R3HDM2: variants seen among roughly 807,000 people sequenced by gnomAD.
R3HDM2 encodes the protein R3H domain containing 2.
In R3HDM2, 38 loss-of-function variants were observed where a neutral mutation model predicts 124.5. That is an observed-to-expected ratio of 0.31 (90% confidence interval 0.24 to 0.40). R3HDM2 has a LOEUF of 0.40. Among genes scored for constraint, R3HDM2 ranks in the 10% least tolerant of loss-of-function variants. The pLI, the probability that R3HDM2 is intolerant of heterozygous loss-of-function variation, is 1.00. For missense variants in R3HDM2, 869 were observed against 1,236.9 expected (o/e 0.70, Z 4.46); for synonymous variants, 391 against 448.0 (o/e 0.87, Z 1.61).
intron 2 of R3HDM2, among the ~76,000 whole-genome samples, chr12:57,330,314 C>T (rs1194546654): frequency 3.3e-5 from 5 of 149,802 alleles, no homozygotes; most frequent in African/African-American, 1.2e-4. Context: ...TTTGTGATAA[C>T]TTTGTATCCT....
intron 2 of R3HDM2, among the ~76,000 whole-genome samples, chr12:57,355,170 CT>C (rs1241911304): frequency 1.3e-5 from 2 of 151,722 alleles, no homozygotes; most frequent in East Asian, 3.9e-4. Context: ...TTAAGAAACA[CT>C]TCTTGGCCGG....
intron 1 of R3HDM2, chr12:57,415,457 G>A (rs1355908473): frequency 6.6e-6 from 1 of 152,072 alleles, no homozygotes; most frequent in Non-Finnish European, 1.5e-5. Context: ...ATCAATGGAT[G>A]CTAATGTCAC....
chr12:57,330,369 G>A (rs2136567244), intron 2 of R3HDM2, among the ~76,000 whole-genome samples: 1 of 151,334 alleles, frequency 6.6e-6, no homozygotes, highest in African/African-American at 2.4e-5. Context: ...TTGAAATGGG[G>A]TTTTGCTCTC....
At chr12:57,324,961 A>G (rs2057083132) in intron 2 of R3HDM2, among the ~76,000 whole-genome samples, 1 of 152,240 alleles carries the variant, frequency 6.6e-6, no homozygotes, top group African/African-American at 2.4e-5. Flanking sequence ...ATTTGGACAC[A>G]GAAGTACACC....
intron 2 of R3HDM2, among the ~76,000 whole-genome samples, chr12:57,349,102 C>T (rs1015632010): frequency 1.3e-5 from 2 of 151,852 alleles, no homozygotes; most frequent in East Asian, 1.9e-4. Context: ...AAATCAAGGC[C>T]GGGCATGGTG....
intron 22 of R3HDM2, 161 bp downstream of exon 22, chr12:57,256,253 G>T: frequency 1.2e-6 from 1 of 854,884 alleles, no homozygotes; most frequent in Non-Finnish European, 1.8e-6. Context: ...CTTGGCATGG[G>T]GGTCGGGTGG....
chr12:57,299,532 G>C, intron 5 of R3HDM2, 54 bp from the exon 6 acceptor site: 1 of 1,488,004 alleles, frequency 6.7e-7, no homozygotes. Context: ...CTTTCTTGCA[G>C]CTCCCTTGGA....
At chr12:57,274,547 T>A (rs1406533610) in intron 14 of R3HDM2, among the ~76,000 whole-genome samples, 1 of 151,906 alleles carries the variant, frequency 6.6e-6, no homozygotes, top group African/African-American at 2.4e-5. Flanking sequence ...GACTAAAGAG[T>A]AAAGTGAGAA....
chr12:57,284,441 TTAAAA>T (rs1210110902), intron 12 of R3HDM2, among the ~76,000 whole-genome samples: 1 of 152,238 alleles, frequency 6.6e-6, no homozygotes, highest in East Asian at 1.9e-4. Flanking sequence ...CTGAAAGTTC[TTAAAA>T]TAAAAGGACT....
At chr12:57,257,580 T>C (rs913164383) in intron 21 of R3HDM2, among the ~76,000 whole-genome samples, 1 of 152,216 alleles carries the variant, frequency 6.6e-6, no homozygotes, top group Non-Finnish European at 1.5e-5. Context: ...ATCACAAAGC[T>C]AGTTAGTGGT....
chr12:57,260,509 AAAGC>A (rs1402147685), intron 19 of R3HDM2, among the ~76,000 whole-genome samples: 1 of 151,984 alleles, frequency 6.6e-6, no homozygotes, highest in Admixed American at 6.6e-5. Flanking sequence ...TTCATGGTGA[AAAGC>A]AAGGTAAAGA....
chr12:57,403,579 CG>C (rs1413234747), intron 1 of R3HDM2, among the ~76,000 whole-genome samples: 1 of 151,904 alleles, frequency 6.6e-6, no homozygotes, highest in Non-Finnish European at 1.5e-5. Context: ...GAGACAGGGG[CG>C]GGTGTATTGC....
rs533303191 is a variant in R3HDM2 at position 57,254,009 on chromosome 12, G to T, written c.*764C>A. On this transcript the variant is annotated 3_prime_UTR_variant, in exon 24 of 24. Coordinates refer to ENST00000402412, the MANE Select transcript of R3HDM2 (RefSeq NM_001394031.1). Reference sequence around the variant, plus strand: ...TCTGTGGGGTCTAGGAAGACAAGATGGGGAAGTGAGAGAATGGGGCAATCA... The same window carrying T: ...TCTGTGGGGTCTAGGAAGACAAGATTGGGAAGTGAGAGAATGGGGCAATCA... 10 of 397,154 alleles carry T rather than the reference G, an allele frequency of 2.5e-5. No individual in the cohort carries two copies. In the East Asian group the frequency reaches 7.8e-4, roughly 31 times the overall value. The allele number at this position is 397,154 out of a possible 1,614,324, so 24.6% of individuals were successfully genotyped here.
At chr12:57,429,137 G>A (rs1290641391) in intron 1 of R3HDM2, among the ~76,000 whole-genome samples, 2 of 152,146 alleles carry the variant, frequency 1.3e-5, no homozygotes, top group Non-Finnish European at 2.9e-5. Flanking sequence ...TGTAATCCCA[G>A]TGCTTTTGGG....
At chr12:57,385,105 G>A (rs2065517659) in intron 2 of R3HDM2, among the ~76,000 whole-genome samples, 2 of 151,812 alleles carry the variant, frequency 1.3e-5, no homozygotes, top group African/African-American at 2.4e-5. Context: ...GATATCACAA[G>A]ATCGAGCCAC....
Position 57,256,528 on chromosome 12 carries a change from AT to A in R3HDM2, c.2450-18del, listed in dbSNP as rs1212473608. 6.5e-7 allele frequency: 1 copy of A among 1,536,314 alleles called. No homozygotes were observed. The highest frequency in any genetic ancestry group is 2.0e-5 in the Admixed American group (1 of 49,334). On this transcript the variant is annotated intron_variant, in intron 21 of 23. Coordinates refer to ENST00000402412, the MANE Select transcript of R3HDM2 (RefSeq NM_001394031.1). ...GCCCATCACCTAGGGAGTAAGAGCA[AT>A]TGGTTTTCTGGGAGCTTAAGCTTCA... is the stretch of plus-strand genomic sequence containing the variant.
chr12:57,395,496 T>C (rs966913942), intron 2 of R3HDM2, among the ~76,000 whole-genome samples: 3 of 151,160 alleles, frequency 2.0e-5, no homozygotes, highest in African/African-American at 7.3e-5. Context: ...AGAGCAAAAC[T>C]TCATCTCAAA....
intron 1 of R3HDM2, among the ~76,000 whole-genome samples, chr12:57,410,318 T>TAAAAAAAAAAAAA (rs56412130): frequency 1.0e-5 from 1 of 100,142 alleles, no homozygotes; most frequent in African/African-American, 3.8e-5. Context: ...AGTATAACCT[T>TAAAAAAAAAAAAA]AAAAAAAAAA....
At chr12:57,284,202 C>T in intron 12 of R3HDM2, 146 bp from the exon 13 acceptor site, 2 of 760,328 alleles carry the variant, frequency 2.6e-6, no homozygotes, top group Admixed American at 2.7e-5. Context: ...AGTTGGCTGG[C>T]CAACTAAGAG....
Sources: allele counts gnomAD v4.1 joint callset (sites outside exome capture counted in the v4.1 genomes callset), GRCh38; gene constraint gnomAD v4.1.1; transcripts MANE v1.5; gene names NCBI Gene and HGNC (gene_info 2026-07-23, HGNC 2026-07-21).